Variants in ZDHHC14 observed in about 807,000 individuals in gnomAD.
ZDHHC14 encodes the protein zDHHC palmitoyltransferase 14, also known as palmitoyltransferase ZDHHC14.
In ZDHHC14, 16 loss-of-function variants were observed where a neutral mutation model predicts 47.7. The ratio of observed to expected loss-of-function variants is 0.34; its 90% CI spans 0.23 to 0.51. ZDHHC14 has a LOEUF of 0.51. Among genes scored for constraint, ZDHHC14 ranks in the 20% least tolerant of loss-of-function variants. The pLI is 0.97. For missense variants in ZDHHC14, 515 were observed against 662.5 expected, an observed-to-expected ratio of 0.78 and a Z score of 2.44; for synonymous variants, 293 against 278.9, an observed-to-expected ratio of 1.05 and a Z score of -0.50.
At chr6:157,554,706 G>T (rs1428044257) in intron 2 of ZDHHC14, among the ~76,000 whole-genome samples, 2 of 152,198 alleles carry the variant, frequency 1.3e-5, no homozygotes, top group Admixed American at 6.5e-5. Flanking sequence ...TCATTTGAAA[G>T]AATTCTAAGC....
intron 1 of ZDHHC14, among the ~76,000 whole-genome samples, chr6:157,484,943 C>CA (rs2114720692): frequency 6.6e-6 from 1 of 152,084 alleles, no homozygotes; most frequent in Admixed American, 6.5e-5. Flanking sequence ...ACTAAAAATA[C>CA]AAAAATTAGC....
At chr6:157,621,423 A>G (rs183820542) in intron 3 of ZDHHC14, among the ~76,000 whole-genome samples, 7 of 152,338 alleles carry the variant, frequency 4.6e-5, no homozygotes, top group Admixed American at 3.9e-4. Flanking sequence ...TGTGATTAAC[A>G]TTTAAATTAG....
At chr6:157,580,736 T>TGTG (rs372683275) in intron 2 of ZDHHC14, among the ~76,000 whole-genome samples, 29,803 of 137,922 alleles carry the variant, frequency 0.22, 3,983 homozygotes, top group African/African-American at 0.41. Context: ...GTGTGTGTGT[T>TGTG]TTTTTCTTTG....
At chr6:157,610,402 A>C (rs1484346382) in intron 3 of ZDHHC14, among the ~76,000 whole-genome samples, 1 of 152,220 alleles carries the variant, frequency 6.6e-6, no homozygotes, top group African/African-American at 2.4e-5. Context: ...ACTGCACTCC[A>C]GCCTGGGTGA....
At chr6:157,569,695 G>A (rs9365127) in intron 2 of ZDHHC14, among the ~76,000 whole-genome samples, 30,497 of 151,758 alleles carry the variant, frequency 0.2, 3,543 homozygotes, top group East Asian at 0.51. Context: ...ATCTTCCACC[G>A]CAGGAAGCAG....
At chr6:157,566,617 G>C (rs946575042) in intron 2 of ZDHHC14, among the ~76,000 whole-genome samples, 1 of 152,158 alleles carries the variant, frequency 6.6e-6, no homozygotes, top group African/African-American at 2.4e-5. Flanking sequence ...GACACCAAGC[G>C]GGAGGTCCCT....
At chr6:157,471,513 C>A (rs1779354832) in intron 1 of ZDHHC14, among the ~76,000 whole-genome samples, 1 of 152,146 alleles carries the variant, frequency 6.6e-6, no homozygotes, top group African/African-American at 2.4e-5. Flanking sequence ...CTGTGCAAAG[C>A]GGTTTCGCGT....
intron 1 of ZDHHC14, among the ~76,000 whole-genome samples, chr6:157,485,372 A>C (rs1468637167): frequency 6.6e-6 from 1 of 152,218 alleles, no homozygotes; most frequent in Non-Finnish European, 1.5e-5. Flanking sequence ...GAGGAAGTAT[A>C]GGAGCAAGAC....
chr6:157,647,329 C>T lies in ZDHHC14; in HGVS notation c.926C>T (p.Thr309Ile). The change falls in exon 7 of 9, where the codon ACC (threonine) becomes ATC (isoleucine). Residue 309 changes from threonine (T) to isoleucine (I), a missense_variant. Thr to Ile is a moderately conservative substitution (Grantham distance 89, BLOSUM62 -1). Around this residue, in one of 4 missense-constraint regions of ZDHHC14, gnomAD observed 229 missense variants for 351.5 expected, o/e 0.65. Coordinates refer to ENST00000359775, the MANE Select transcript of ZDHHC14 (RefSeq NM_024630.3). ...CCCTACAGCTACGGAAATATCTTTACCAACTGCTGTGTTGCCCTGTGTGGG... is the reference window on the plus strand; with the variant it reads ...CCCTACAGCTACGGAAATATCTTTATCAACTGCTGTGTTGCCCTGTGTGGG... Reference protein sequence around the residue: ...YNPYSYGNIFTNCCVALCGPI... With the variant: ...YNPYSYGNIFINCCVALCGPI... The T allele has an allele frequency of 6.2e-7, 1 of 1,614,172 alleles. No homozygotes were observed. Among genetic ancestry groups the T allele is most frequent in the South Asian group, 1.1e-5 (1 of 91,064 alleles).
chr6:157,452,690 A>ATTGTTTTTTT (rs1778829230), intron 1 of ZDHHC14, among the ~76,000 whole-genome samples: 1 of 72,960 alleles, frequency 1.4e-5, no homozygotes, highest in Non-Finnish European at 2.4e-5. Flanking sequence ...ATACATGGGG[A>ATTGTTTTTTT]TTTTTTTTTT....
At chr6:157,620,806 A>C (rs1177054300) in intron 3 of ZDHHC14, among the ~76,000 whole-genome samples, 1 of 152,248 alleles carries the variant, frequency 6.6e-6, no homozygotes, top group African/African-American at 2.4e-5. Flanking sequence ...CAACCAGCAG[A>C]GAATTGGAGT....
intron 7 of ZDHHC14, among the ~76,000 whole-genome samples, chr6:157,648,703 G>A (rs1221641541): frequency 6.6e-6 from 1 of 152,218 alleles, no homozygotes; most frequent in Non-Finnish European, 1.5e-5. Flanking sequence ...ACATGCCTGG[G>A]CAGGTGCCAG....
intron 2 of ZDHHC14, among the ~76,000 whole-genome samples, chr6:157,550,453 G>GCATCACACAGGCACTCTAGAGAGACCACA (rs1161157348): frequency 3.8e-5 from 5 of 133,236 alleles, no homozygotes; most frequent in Non-Finnish European, 4.5e-5. Flanking sequence ...GAGAGACCAC[G>GCATCACACAGGCACTCTAGAGAGACCACA]GCATCACACA....
rs560263666 is a variant in ZDHHC14 at position 157,446,194 on chromosome 6, A to G, written c.245+63928A>G. 6.6e-5 allele frequency among the ~76,000 whole-genome samples: 10 copies of G among 152,240 alleles called. No homozygotes were observed. The East Asian group carries it at 1.7e-3, about 26-fold the overall frequency. ...TTTGGCCCTTACCTGTAGCTATTCTATCATCTGGAGATTATCTCCAGACAC... is the reference window on the plus strand; with the variant it reads ...TTTGGCCCTTACCTGTAGCTATTCTGTCATCTGGAGATTATCTCCAGACAC... On this transcript the variant is annotated intron_variant, in intron 1 of 8. Transcript: ENST00000359775.
chr6:157,397,736 C>T (rs926734754), intron 1 of ZDHHC14, among the ~76,000 whole-genome samples: 2 of 152,132 alleles, frequency 1.3e-5, no homozygotes, highest in African/African-American at 2.4e-5. Flanking sequence ...CTTCCACATC[C>T]GGATTCTTAT....
At chr6:157,513,756 A>C (rs1780580106) in intron 1 of ZDHHC14, among the ~76,000 whole-genome samples, 1 of 152,220 alleles carries the variant, frequency 6.6e-6, no homozygotes, top group Non-Finnish European at 1.5e-5. Flanking sequence ...CAGAGAGGTT[A>C]GGTAAGTTTG....
Position 157,401,919 on chromosome 6 carries a change from C to A in ZDHHC14, c.245+19653C>A, listed in dbSNP as rs190388136. ...AGATGCGCACCTGCTGAGGTCATAA[C>A]TGCAGTAGTGAGATGTGCACCTGCT... On this transcript the variant is annotated intron_variant, in intron 1 of 8. Transcript: ENST00000359775. Among the ~76,000 whole-genome samples, 4 of 151,258 alleles carry A rather than the reference C, an allele frequency of 2.6e-5. No individual in the cohort carries two copies. In the East Asian group the frequency reaches 7.8e-4, roughly 30 times the overall value.
intron 1 of ZDHHC14, among the ~76,000 whole-genome samples, chr6:157,531,078 T>G (rs751822174): frequency 6.6e-5 from 10 of 151,818 alleles, no homozygotes; most frequent in Admixed American, 3.9e-4. Flanking sequence ...TGGGGTCTGC[T>G]CAGGTCCCTC....
At chr6:157,604,435 C>T (rs2114912272) in intron 3 of ZDHHC14, among the ~76,000 whole-genome samples, 1 of 152,226 alleles carries the variant, frequency 6.6e-6, no homozygotes, top group African/African-American at 2.4e-5. Flanking sequence ...GGAAGCAATC[C>T]CCCTTGGATA....
Sources: gnomAD v4.1 joint callset for allele counts (sites outside exome capture counted in the v4.1 genomes callset) on GRCh38, gnomAD v4.1.1 for gene constraint, gnomAD v4.1.1 regional missense constraint, MANE v1.5 for transcripts, NCBI Gene and HGNC (gene_info 2026-07-23, HGNC 2026-07-21) for gene names.